MCTP1: variants seen among roughly 807,000 people sequenced by gnomAD.
MCTP1 encodes multiple C2 and transmembrane domain containing 1.
Under a neutral mutation model 120.6 loss-of-function variants are expected in MCTP1, and 69 were observed. The observed-to-expected ratio is 0.57, with a 90% confidence interval of 0.47 to 0.70. The LOEUF (loss-of-function observed/expected upper bound fraction) is 0.70. Among genes scored for constraint, MCTP1 ranks in the 30% least tolerant of loss-of-function variants. The pLI is 0.00. For missense variants in MCTP1, 1,203 were observed against 1,248.8 expected, an observed-to-expected ratio of 0.96 and a Z score of 0.55; for synonymous variants, 529 against 493.1, an observed-to-expected ratio of 1.07 and a Z score of -0.96.
intron 1 of MCTP1, among the ~76,000 whole-genome samples, chr5:95,018,207 A>T (rs749421342): frequency 2.0e-5 from 3 of 152,108 alleles, no homozygotes; most frequent in Non-Finnish European, 4.4e-5. Context: ...TGATATTAAA[A>T]CAACACAAAT....
intron 19 of MCTP1, among the ~76,000 whole-genome samples, chr5:94,729,538 C>G (rs1488790252): frequency 2.0e-5 from 3 of 152,150 alleles, no homozygotes; most frequent in Admixed American, 2.0e-4. Context: ...TCCCAGTCTC[C>G]TTCCAGTATC....
intron 2 of MCTP1, among the ~76,000 whole-genome samples, chr5:94,973,285 A>T (rs1303908829): frequency 6.6e-6 from 1 of 152,116 alleles, no homozygotes; most frequent in Non-Finnish European, 1.5e-5. Context: ...ATCTTTTCCG[A>T]TCAACCGACT....
At position 95,099,391 on chromosome 5, in the gene MCTP1, G is replaced by T. The variant is rs1202082661; in HGVS notation, c.721-81907C>A. On this transcript the variant is annotated intron_variant, in intron 1 of 22. Coordinates refer to ENST00000515393, the MANE Select transcript of MCTP1 (RefSeq NM_024717.7). Reference sequence around the variant, plus strand: ...CTACTCATCTGACAAAGGGCTAATAGCCAGAATCTGCAATGAACTCAAACA... The same window carrying T: ...CTACTCATCTGACAAAGGGCTAATATCCAGAATCTGCAATGAACTCAAACA... Among the ~76,000 whole-genome samples the T allele has an allele frequency of 6.0e-5, 9 of 151,106 alleles. 1 individual carries two copies. Among genetic ancestry groups the T allele is most frequent in the East Asian group, 1.9e-4 (1 of 5,176 alleles).
chr5:95,057,406 A>AT (rs2152065963), intron 1 of MCTP1, among the ~76,000 whole-genome samples: 1 of 152,272 alleles, frequency 6.6e-6, no homozygotes, highest in East Asian at 1.9e-4. Flanking sequence ...AGTAAATATA[A>AT]TTTTTTGTTT....
chr5:94,784,198 T>G (rs1777145741), intron 18 of MCTP1, among the ~76,000 whole-genome samples: 1 of 152,094 alleles, frequency 6.6e-6, no homozygotes. Context: ...AATGCCTATT[T>G]CTACCCTAGA....
intron 17 of MCTP1, among the ~76,000 whole-genome samples, chr5:94,834,324 A>G (rs1478277824): frequency 6.6e-6 from 1 of 152,218 alleles, no homozygotes; most frequent in African/African-American, 2.4e-5. Context: ...AAGATATTCA[A>G]CATTACCCAT....
At chr5:95,159,445 A>G (rs1322703007) in intron 1 of MCTP1, among the ~76,000 whole-genome samples, 1 of 152,214 alleles carries the variant, frequency 6.6e-6, no homozygotes, top group Non-Finnish European at 1.5e-5. Flanking sequence ...ATCACTATGT[A>G]TACAGCTCAC....
chr5:95,170,516 A>G (rs1198808565), intron 1 of MCTP1, among the ~76,000 whole-genome samples: 1 of 152,188 alleles, frequency 6.6e-6, no homozygotes, highest in Non-Finnish European at 1.5e-5. Flanking sequence ...GGGGTGTTAA[A>G]GTCTCCCATT....
At chr5:95,176,118 T>C (rs914079890) in intron 1 of MCTP1, among the ~76,000 whole-genome samples, 4 of 152,202 alleles carry the variant, frequency 2.6e-5, no homozygotes, top group African/African-American at 9.7e-5. Context: ...AGCTACTTGA[T>C]GTGAAAGGAC....
At chr5:94,807,042 T>C (rs1466800100) in intron 17 of MCTP1, among the ~76,000 whole-genome samples, 1 of 152,266 alleles carries the variant, frequency 6.6e-6, no homozygotes, top group Non-Finnish European at 1.5e-5. Flanking sequence ...ACCCATTTTT[T>C]ACCCAATCTT....
intron 1 of MCTP1, among the ~76,000 whole-genome samples, chr5:95,169,671 G>C (rs958608094): frequency 2.6e-5 from 4 of 152,182 alleles, no homozygotes; most frequent in Admixed American, 2.6e-4. Flanking sequence ...AGATTTTCGA[G>C]TTTATTTGAG....
In MCTP1 at chr5:94,868,335, C is replaced by A; in HGVS notation, c.2434G>T (p.Val812Leu). Residue 812 changes from valine to leucine, a missense_variant and splice_region_variant, in exon 17 of 23, where the codon GTG (valine) becomes TTG (leucine). Physicochemically the swap from Val to Leu is conservative, Grantham distance 32 (BLOSUM62 1). Transcript: ENST00000515393. ...TAAGTAATACAGTATGATCATACCA[C>A]AAAAGCAGCGAGACTCCTTGGGGGT... Reference protein sequence around the residue: ...DSPPRSLAAFVLFLFVVWNFE... With the variant: ...DSPPRSLAAFLLFLFVVWNFE... The A allele has an allele frequency of 6.3e-7, 1 of 1,596,810 alleles. No individual in the cohort carries two copies. The highest frequency in any genetic ancestry group is 8.5e-7 in the Non-Finnish European group (1 of 1,172,948).
intron 2 of MCTP1, among the ~76,000 whole-genome samples, chr5:94,990,438 G>T (rs1831310282): frequency 6.6e-6 from 1 of 152,190 alleles, no homozygotes; most frequent in Non-Finnish European, 1.5e-5. Flanking sequence ...TACGGTTGTA[G>T]AACTGAGGCC....
At chr5:95,112,999 T>G (rs1757566422) in intron 1 of MCTP1, among the ~76,000 whole-genome samples, 1 of 152,168 alleles carries the variant, frequency 6.6e-6, no homozygotes, top group African/African-American at 2.4e-5. Context: ...ATCTAATGGT[T>G]GAAATAATAC....
intron 2 of MCTP1, among the ~76,000 whole-genome samples, chr5:94,981,815 G>C (rs1007017232): frequency 6.6e-5 from 10 of 152,158 alleles, no homozygotes; most frequent in Non-Finnish European, 2.9e-5. Flanking sequence ...TAGTGGCCTA[G>C]AAAGTGAATG....
At chr5:94,813,992 C>G (rs999183986) in intron 17 of MCTP1, among the ~76,000 whole-genome samples, 1 of 152,154 alleles carries the variant, frequency 6.6e-6, no homozygotes, top group Admixed American at 6.6e-5. Context: ...ACGCAAATCC[C>G]TAGAGACAGA....
intron 19 of MCTP1, among the ~76,000 whole-genome samples, chr5:94,766,073 C>T (rs938496197): frequency 1.1e-4 from 17 of 152,210 alleles, no homozygotes; most frequent in Admixed American, 5.9e-4. Flanking sequence ...GGCGAAACCC[C>T]GTCTGTACTA....
At chr5:95,187,689 C>T (rs997972567) in intron 1 of MCTP1, among the ~76,000 whole-genome samples, 10 of 152,092 alleles carry the variant, frequency 6.6e-5, no homozygotes, top group East Asian at 1.9e-4. Flanking sequence ...CGTGAGCCAC[C>T]GCGCCTGGCA....
At chr5:95,140,149 C>A (rs1406008292) in intron 1 of MCTP1, among the ~76,000 whole-genome samples, 2 of 152,154 alleles carry the variant, frequency 1.3e-5, no homozygotes, top group Non-Finnish European at 2.9e-5. Flanking sequence ...GATGGATAGG[C>A]TTTTGCCTCC....
Sources: gnomAD v4.1 joint callset for allele counts (sites outside exome capture counted in the v4.1 genomes callset) on GRCh38, gnomAD v4.1.1 for gene constraint, MANE v1.5 for transcripts, NCBI Gene and HGNC (gene_info 2026-07-23, HGNC 2026-07-21) for gene names.